Variants in ATG14 observed in about 807,000 individuals in gnomAD.
ATG14 encodes the protein beclin 1-associated autophagy-related key regulator.
Under a neutral mutation model 60.4 loss-of-function variants are expected in ATG14, and 35 were observed. That is an observed-to-expected ratio of 0.58 (90% CI 0.44 to 0.77). The LOEUF (loss-of-function observed/expected upper bound fraction) is 0.77. Among genes scored for constraint, ATG14 ranks in the 30% least tolerant of loss-of-function variants. The probability of loss-of-function intolerance (pLI) is 0.00; values close to 1 mark genes in which losing one functional copy is unlikely to be tolerated. For synonymous variants in ATG14, 234 were observed against 228.8 expected, an observed-to-expected ratio of 1.02 and a Z score of -0.21; for missense variants, 647 against 626.3, an observed-to-expected ratio of 1.03 and a Z score of -0.35.
intron 5 of ATG14, among the ~76,000 whole-genome samples, chr14:55,385,289 G>T (rs759679566): frequency 6.6e-6 from 1 of 151,322 alleles, no homozygotes; most frequent in South Asian, 2.1e-4. Context: ...TGGTTCTCTG[G>T]TTTTTTTTTG....
Position 55,366,450 on chromosome 14 carries a change from CA to C in ATG14, c.*3168del. On this transcript the variant is annotated 3_prime_UTR_variant, in exon 10 of 10. Transcript: ENST00000247178. ...AAGTTTAGAAAACATTTGTATGACT[CA>C]AACTGGTTTGGAAGTTGCAGAGCAA... is the stretch of plus-strand genomic sequence containing the variant. 1 of 152,698 alleles carries C rather than the reference CA, an allele frequency of 6.5e-6. No individual in the cohort carries two copies. Among genetic ancestry groups the C allele is most frequent in the Non-Finnish European group, 1.5e-5 (1 of 68,028 alleles). The allele number at this position is 152,698 out of a possible 1,614,324, so 9.5% of individuals were successfully genotyped here.
chr14:55,369,700 C>T lies in ATG14; in HGVS notation c.1398G>A (p.Ala466=), dbSNP rs762239984. The T allele has an allele frequency of 6.8e-6, 11 of 1,606,094 alleles. No homozygotes were observed. Among genetic ancestry groups the T allele is most frequent in the African/African-American group, 2.7e-5 (2 of 74,804 alleles). ...AGATCATCCCACCTGCACTGCTGCTCGCGATGGGTGGGGACGCCTGGGTGC... is the reference window on the plus strand; with the variant it reads ...AGATCATCCCACCTGCACTGCTGCTTGCGATGGGTGGGGACGCCTGGGTGC... ...SQSTQASPPI[A]SSSAGGMISS... Residue 466 remains alanine (A), a synonymous_variant, in exon 10 of 10, where the codon GCG becomes GCA. Transcript: ENST00000247178.
intron 9 of ATG14, among the ~76,000 whole-genome samples, chr14:55,374,103 T>TC (rs1194691450): frequency 6.6e-6 from 1 of 152,258 alleles, no homozygotes; most frequent in Non-Finnish European, 1.5e-5. Flanking sequence ...AGTGCTTTTT[T>TC]CCCTCAACTA....
chr14:55,397,516 C>G (rs1885332784), intron 1 of ATG14, 82 bp from the exon 2 acceptor site: 1 of 1,086,574 alleles, frequency 9.2e-7, no homozygotes, highest in Non-Finnish European at 1.4e-6. Flanking sequence ...AAGAACCAAT[C>G]ATTCTGCAGA....
chr14:55,411,607 C>T lies in ATG14; in HGVS notation c.216G>A (p.Arg72=), dbSNP rs372306547. The change falls in exon 1 of 10, where the codon CGG becomes CGA. Residue 72 remains arginine (R), a synonymous_variant. Coordinates refer to ENST00000247178, the MANE Select transcript of ATG14 (RefSeq NM_014924.5). ...GDFVYFDGRD[R]ERFIDKKERL... The stretch of plus-strand genomic sequence containing the variant: ...GGCCGTGGCGGCCGCCGTACCTCTC[C>T]CGGTCGCGGCCGTCGAAGTAGACGA... The T allele has an allele frequency of 6.2e-7, 1 of 1,607,710 alleles. No individual in the cohort carries two copies.
At chr14:55,385,480 A>G (rs1885109246) in intron 5 of ATG14, among the ~76,000 whole-genome samples, 1 of 152,152 alleles carries the variant, frequency 6.6e-6, no homozygotes, top group South Asian at 2.1e-4. Context: ...TTTAGTAGAG[A>G]CAGGGTTTTG....
At position 55,369,684 on chromosome 14, in the gene ATG14, C is replaced by A; in HGVS notation, c.1414G>T (p.Gly472Trp). Residue 472 changes from glycine to tryptophan, a missense_variant, in exon 10 of 10, where the codon GGG becomes TGG. Coordinates refer to ENST00000247178, the MANE Select transcript of ATG14 (RefSeq NM_014924.5). ...SPPIASSSAG[G>W]MISSAAASVT... ...GAGGCTGCTGCAGAGGAGATCATCC[C>A]ACCTGCACTGCTGCTCGCGATGGGT... 1 of 1,597,414 alleles carries A rather than the reference C, an allele frequency of 6.3e-7. No homozygotes were observed. Among genetic ancestry groups the A allele is most frequent in the South Asian group, 1.1e-5 (1 of 88,376 alleles).
intron 5 of ATG14, among the ~76,000 whole-genome samples, chr14:55,384,160 GCTT>G (rs747052852): frequency 6.6e-6 from 1 of 152,142 alleles, no homozygotes; most frequent in Non-Finnish European, 1.5e-5. Flanking sequence ...AAAACCACCA[GCTT>G]CTTTTTAAAA....
At chr14:55,397,272 G>GT (rs1199444790) in intron 2 of ATG14, 100 bp downstream of exon 2, 4 of 1,026,756 alleles carry the variant, frequency 3.9e-6, no homozygotes, top group Non-Finnish European at 6.0e-6. Context: ...CCTAAATTCA[G>GT]TAAGTTAGCA....
At chr14:55,387,201 C>T (rs1885139482) in intron 4 of ATG14, among the ~76,000 whole-genome samples, 1 of 152,062 alleles carries the variant, frequency 6.6e-6, no homozygotes, top group African/African-American at 2.4e-5. Context: ...CAGAGCAAAC[C>T]CCTCAGCCTC....
At position 55,367,864 on chromosome 14, in the gene ATG14, C is replaced by CA. The variant is rs1884716882; in HGVS notation, c.*1754dup. 1 of 152,246 alleles carries CA rather than the reference C, an allele frequency of 6.6e-6. No individual in the cohort carries two copies. The highest frequency in any genetic ancestry group is 1.5e-5 in the Non-Finnish European group (1 of 68,016). The allele number at this position is 152,246 out of a possible 1,614,324, so 9.4% of individuals were successfully genotyped here. A position where few individuals can be genotyped will look rare whatever the true frequency, so the allele number is the denominator to read the frequency against. The stretch of plus-strand genomic sequence containing the variant: ...ATAAACTCCGTTCTGCAACTCTACC[C>CA]AAAACTATACAAAACACCAAATATA... On this transcript the variant is annotated 3_prime_UTR_variant, in exon 10 of 10. Coordinates refer to ENST00000247178, the MANE Select transcript of ATG14 (RefSeq NM_014924.5).
intron 5 of ATG14, 96 bp downstream of exon 5, chr14:55,385,763 C>T (rs946881891): frequency 2.8e-6 from 3 of 1,069,038 alleles, no homozygotes; most frequent in Middle Eastern, 2.1e-4. Flanking sequence ...AAACCAATGA[C>T]CCTAGAATAA....
At position 55,386,099 on chromosome 14, in the gene ATG14, A is replaced by G. The variant is rs1885121777; in HGVS notation, c.410-3T>C. On this transcript the variant is annotated splice_polypyrimidine_tract_variant and splice_region_variant and intron_variant, in intron 4 of 9. Coordinates refer to ENST00000247178, the MANE Select transcript of ATG14 (RefSeq NM_014924.5). ...GGTTTTGAGAAGGCCTTCAGAATCT[A>G]AAATAAATAAATCACACCCAACAAT... 1.2e-6 allele frequency: 2 copies of G among 1,603,406 alleles called. No homozygotes were observed. The highest frequency in any genetic ancestry group is 4.5e-5 in the East Asian group (2 of 44,804).
chr14:55,400,496 C>T (rs1326133886), intron 1 of ATG14, among the ~76,000 whole-genome samples: 1 of 152,194 alleles, frequency 6.6e-6, no homozygotes. Context: ...TAAACCTCTA[C>T]AGGTGAACAC....
At chr14:55,380,853 G>GTATATATATATATATATATATA (rs1194666951) in intron 6 of ATG14, among the ~76,000 whole-genome samples, 163 bp from the exon 7 acceptor site, 3 of 108,032 alleles carry the variant, frequency 2.8e-5, no homozygotes, top group African/African-American at 4.6e-5. Flanking sequence ...CATTCTTTGT[G>GTATATATATATATATATATATA]TGTATATATA....
At chr14:55,387,119 T>A (rs1885138477) in intron 4 of ATG14, among the ~76,000 whole-genome samples, 1 of 152,120 alleles carries the variant, frequency 6.6e-6, no homozygotes, top group South Asian at 2.1e-4. Flanking sequence ...CACGCCTTCA[T>A]GCCCTCTTTC....
chr14:55,385,748 C>G, intron 5 of ATG14, 111 bp downstream of exon 5: 1 of 955,478 alleles, frequency 1.0e-6, no homozygotes, highest in Non-Finnish European at 1.6e-6. Flanking sequence ...GTTCCATCAC[C>G]AGGAAAACCA....
chr14:55,390,183 G>A (rs1405998414), intron 4 of ATG14, among the ~76,000 whole-genome samples: 1 of 152,098 alleles, frequency 6.6e-6, no homozygotes, highest in African/African-American at 2.4e-5. Flanking sequence ...CAAGTCTCCT[G>A]CCTCAGCCTC....
chr14:55,383,365 A>G (rs1885067723), intron 5 of ATG14, among the ~76,000 whole-genome samples: 1 of 152,126 alleles, frequency 6.6e-6, no homozygotes, highest in African/African-American at 2.4e-5. Context: ...AGCCTGGCCA[A>G]CATGGTGAAA....
Sources: gnomAD v4.1 joint callset for allele counts (sites outside exome capture counted in the v4.1 genomes callset) on GRCh38, gnomAD v4.1.1 for gene constraint, MANE v1.5 for transcripts, NCBI Gene and HGNC (gene_info 2026-07-23, HGNC 2026-07-21) for gene names.